The following DOCK5 variants were observed in gnomAD, a reference collection of about 807,000 sequenced individuals.
The protein encoded by DOCK5 is dedicator of cytokinesis protein 5.
A neutral mutation model predicts 251.8 loss-of-function variants in DOCK5; 142 were observed. The ratio of observed to expected loss-of-function variants is 0.56; its 90% CI spans 0.49 to 0.65. The LOEUF (loss-of-function observed/expected upper bound fraction) is 0.65, where lower values mean the gene tolerates loss of function less well. Among genes scored for constraint, DOCK5 ranks in the 30% least tolerant of loss-of-function variants. The probability of loss-of-function intolerance (pLI) is 0.00; values close to 1 mark genes in which losing one functional copy is unlikely to be tolerated. For synonymous variants in DOCK5, 842 were observed against 835.5 expected (o/e 1.01, Z -0.13); for missense variants, 2,111 against 2,312.3 (o/e 0.91, Z 1.79).
intron 30 of DOCK5, among the ~76,000 whole-genome samples, chr8:25,365,590 A>G (rs1232686276): frequency 6.6e-6 from 1 of 152,158 alleles, no homozygotes; most frequent in Non-Finnish European, 1.5e-5. Flanking sequence ...AAGTTTTCCC[A>G]TTGGTTACTT....
chr8:25,408,201 C>T (rs1040071475), intron 49 of DOCK5, 47 bp downstream of exon 49: 12 of 1,527,296 alleles, frequency 7.9e-6, no homozygotes, highest in Admixed American at 6.2e-5. Flanking sequence ...GCTTGCCCCC[C>T]TCTCCCCTGT....
intron 1 of DOCK5, among the ~76,000 whole-genome samples, chr8:25,201,167 A>G (rs1430585799): frequency 2.0e-5 from 3 of 152,190 alleles, no homozygotes; most frequent in Non-Finnish European, 4.4e-5. Context: ...TCGGCCTCCC[A>G]AAATGCTGGG....
intron 27 of DOCK5, among the ~76,000 whole-genome samples, chr8:25,355,171 C>A (rs961072040): frequency 6.6e-5 from 10 of 152,096 alleles, no homozygotes; most frequent in African/African-American, 2.4e-4. Flanking sequence ...GAAATTGAGG[C>A]TGCAGTGAGC....
chr8:25,258,289 A>G lies in DOCK5; in HGVS notation c.128-10556A>G, dbSNP rs1014610579. ...CTGGTTGCAAATAGAAATCTCTGCTATCACCCTCTGTGATAGGCAACCAGA... is the reference window on the plus strand; with the variant it reads ...CTGGTTGCAAATAGAAATCTCTGCTGTCACCCTCTGTGATAGGCAACCAGA... On this transcript the variant is annotated intron_variant, in intron 2 of 51. Coordinates refer to ENST00000276440, the MANE Select transcript of DOCK5 (RefSeq NM_024940.8). Among the ~76,000 whole-genome samples the G allele has an allele frequency of 2.0e-5, 3 of 152,024 alleles. No homozygotes were observed. The East Asian group carries it at 5.8e-4, about 29-fold the overall frequency.
Position 25,184,818 on chromosome 8 carries a change from TG to T in DOCK5, c.-87del. On this transcript the variant is annotated 5_prime_UTR_variant, in exon 1 of 52. It removes the in-frame stop codon of an upstream open reading frame in the 5' UTR. Coordinates refer to ENST00000276440, the MANE Select transcript of DOCK5 (RefSeq NM_024940.8). ...TTTGGCGGAACATGGCGGAAGCGTCTGGGGCACGCAGGAGCGCGGGGCGGCG... is the reference window on the plus strand; with the variant it reads ...TTTGGCGGAACATGGCGGAAGCGTCTGGGCACGCAGGAGCGCGGGGCGGCG... 1.7e-6 allele frequency: 2 copies of T among 1,169,608 alleles called. No individual in the cohort carries two copies. Among genetic ancestry groups the T allele is most frequent in the South Asian group, 3.5e-5 (1 of 28,812 alleles). 72.5% of individuals were successfully genotyped at this position (1,169,608 alleles called of 1,614,324 possible). A position where few individuals can be genotyped will look rare whatever the true frequency, so the allele number is the denominator to read the frequency against.
At chr8:25,378,585 G>A (rs1358765220) in intron 38 of DOCK5, among the ~76,000 whole-genome samples, 3 of 152,220 alleles carry the variant, frequency 2.0e-5, no homozygotes, top group Admixed American at 6.5e-5. Flanking sequence ...GATGCTGCAA[G>A]TTGAATAGTA....
chr8:25,289,015 G>A (rs183730798), intron 5 of DOCK5, among the ~76,000 whole-genome samples: 46 of 152,258 alleles, frequency 3.0e-4, no homozygotes, highest in Middle Eastern at 6.8e-3. Context: ...CAGATAAATG[G>A]GTTGTTCATC....
chr8:25,309,528 ATAAT>A (rs1309706237), intron 12 of DOCK5, among the ~76,000 whole-genome samples: 1 of 152,180 alleles, frequency 6.6e-6, no homozygotes, highest in African/African-American at 2.4e-5. Context: ...ACCCTAGATA[ATAAT>A]TATGCTCTAT....
chr8:25,325,662 T>G, intron 18 of DOCK5, 115 bp downstream of exon 18: 1 of 1,226,842 alleles, frequency 8.2e-7, no homozygotes, highest in Non-Finnish European at 1.1e-6. Flanking sequence ...GGTAGGATGT[T>G]GGCCAATTGG....
intron 48 of DOCK5, among the ~76,000 whole-genome samples, chr8:25,406,558 T>C (rs532509049): frequency 6.6e-6 from 1 of 152,346 alleles, no homozygotes; most frequent in South Asian, 2.1e-4. Flanking sequence ...TTATAGCATA[T>C]AGTTTGGTAC....
intron 25 of DOCK5, among the ~76,000 whole-genome samples, chr8:25,344,447 C>A (rs1215236294): frequency 6.6e-6 from 1 of 152,166 alleles, no homozygotes; most frequent in Non-Finnish European, 1.5e-5. Flanking sequence ...GACTCCTCAA[C>A]GTTAAACAAG....
chr8:25,352,220 GAA>G (rs796559970), intron 27 of DOCK5, among the ~76,000 whole-genome samples: 2 of 15,762 alleles, frequency 1.3e-4, no homozygotes, highest in Admixed American at 7.8e-4. Flanking sequence ...CTTTGAAAAA[GAA>G]AAAAAAAAAA....
At chr8:25,303,544 G>A (rs1390854453) in intron 10 of DOCK5, among the ~76,000 whole-genome samples, 1 of 152,088 alleles carries the variant, frequency 6.6e-6, no homozygotes, top group Non-Finnish European at 1.5e-5. Flanking sequence ...ATACATTTTG[G>A]GCCTTACATT....
chr8:25,400,007 T>C lies in DOCK5; in HGVS notation c.4788+13T>C, dbSNP rs754625929. On this transcript the variant is annotated intron_variant, in intron 46 of 51. Coordinates refer to ENST00000276440, the MANE Select transcript of DOCK5 (RefSeq NM_024940.8). ...AATAGCATTACAGGTACAGGACGGC[T>C]TTCCTCTACACTCCCAGGGAGGCCA... The C allele has an allele frequency of 1.2e-6, 2 of 1,610,754 alleles. No homozygotes were observed. Among genetic ancestry groups the C allele is most frequent in the Non-Finnish European group, 1.7e-6 (2 of 1,177,700 alleles).
chr8:25,356,194 G>A (rs139287452), intron 27 of DOCK5, among the ~76,000 whole-genome samples: 126 of 152,106 alleles, frequency 8.3e-4, no homozygotes, highest in African/African-American at 3.0e-3. Flanking sequence ...GCGAGACTCC[G>A]TCTCGAAAAA....
chr8:25,312,493 T>C (rs1319591076), intron 13 of DOCK5, among the ~76,000 whole-genome samples: 2 of 152,206 alleles, frequency 1.3e-5, no homozygotes, highest in Non-Finnish European at 2.9e-5. Flanking sequence ...CCAGGCCAGA[T>C]GGCTCACATC....
intron 37 of DOCK5, chr8:25,376,988 C>A (rs770452143): frequency 2.7e-4 from 48 of 178,890 alleles, no homozygotes; most frequent in Non-Finnish European, 5.3e-4. Context: ...TTACCTCTTC[C>A]TATTCATTTT....
chr8:25,392,534 T>C (rs554529462), intron 43 of DOCK5, among the ~76,000 whole-genome samples: 1 of 152,260 alleles, frequency 6.6e-6, no homozygotes, highest in African/African-American at 2.4e-5. Flanking sequence ...TGTAATGACC[T>C]TGGGCTAGTC....
At chr8:25,334,283 A>G (rs1805749194) in intron 21 of DOCK5, 87 bp downstream of exon 21, 2 of 1,092,084 alleles carry the variant, frequency 1.8e-6, no homozygotes, top group East Asian at 2.4e-5. Context: ...AGACGGACCT[A>G]TTACTATTCA....
Sources: allele counts gnomAD v4.1 joint callset (sites outside exome capture counted in the v4.1 genomes callset), GRCh38; gene constraint gnomAD v4.1.1; transcripts MANE v1.5; gene names NCBI Gene and HGNC (gene_info 2026-07-23, HGNC 2026-07-21).